The following KIRREL1 variants were observed in gnomAD, a reference collection of about 807,000 sequenced individuals.
KIRREL1 encodes kirre like nephrin family adhesion molecule 1, also known as kin of IRRE-like protein 1.
In KIRREL1, 25 loss-of-function variants were observed where a neutral mutation model predicts 83.3. The observed-to-expected ratio is 0.30, with a 90% CI of 0.22 to 0.42. KIRREL1 has a LOEUF of 0.42. Ranked by LOEUF, KIRREL1 falls within the 10% of genes least tolerant of loss-of-function variation. The probability of loss-of-function intolerance (pLI) is 1.00; values close to 1 mark genes in which losing one functional copy is unlikely to be tolerated. For missense variants in KIRREL1, 812 were observed against 1,032.3 expected, an observed-to-expected ratio of 0.79 and a Z score of 2.92; for synonymous variants, 388 against 410.4, an observed-to-expected ratio of 0.95 and a Z score of 0.66.
intron 1 of KIRREL1, among the ~76,000 whole-genome samples, chr1:158,034,166 A>G (rs949821674): frequency 1.3e-5 from 2 of 148,152 alleles, no homozygotes; most frequent in Non-Finnish European, 3.0e-5. Context: ...CCAGCTACTC[A>G]GGAGGCTGAG....
At chr1:158,057,086 C>T (rs1661085976) in intron 1 of KIRREL1, among the ~76,000 whole-genome samples, 1 of 152,158 alleles carries the variant, frequency 6.6e-6, no homozygotes, top group Non-Finnish European at 1.5e-5. Flanking sequence ...TGTTGTGTGC[C>T]AGGACCTGAG....
At chr1:158,077,953 T>A in intron 2 of KIRREL1, 38 bp from the exon 3 acceptor site, 1 of 1,610,178 alleles carries the variant, frequency 6.2e-7, no homozygotes, top group South Asian at 1.1e-5. Flanking sequence ...GATGTGTCCT[T>A]GTTTCAAGGT....
At position 158,007,844 on chromosome 1, in the gene KIRREL1, G is replaced by A. The variant is rs137925410; in HGVS notation, c.52+14116G>A. 4.6e-3 allele frequency among the ~76,000 whole-genome samples: 695 copies of A among 152,050 alleles called. 3 individuals carry two copies. The highest frequency in any genetic ancestry group is 0.015 in the African/African-American group (631 of 41,460). On this transcript the variant is annotated intron_variant, in intron 1 of 14. Coordinates refer to ENST00000359209, the MANE Select transcript of KIRREL1 (RefSeq NM_018240.7). The stretch of plus-strand genomic sequence containing the variant: ...CCTCGCTTCTCTCTGCCCCCGAGCC[G>A]GATGCTCCCCGCTCCTGCTGTCCTT...
At chr1:158,044,179 G>T (rs1660714067) in intron 1 of KIRREL1, among the ~76,000 whole-genome samples, 1 of 152,242 alleles carries the variant, frequency 6.6e-6, no homozygotes, top group African/African-American at 2.4e-5. Flanking sequence ...TGCAAGGCAT[G>T]GTGGGTGCCA....
At chr1:158,026,258 CA>C (rs1287367773) in intron 1 of KIRREL1, among the ~76,000 whole-genome samples, 1 of 152,178 alleles carries the variant, frequency 6.6e-6, no homozygotes, top group Non-Finnish European at 1.5e-5. Flanking sequence ...GAAAGCACAC[CA>C]GGGGTAGGTG....
chr1:158,022,829 G>A (rs965374672), intron 1 of KIRREL1, among the ~76,000 whole-genome samples: 2 of 152,178 alleles, frequency 1.3e-5, no homozygotes, highest in African/African-American at 4.8e-5. Flanking sequence ...TAAAGTGCCA[G>A]CGCCCTAGCC....
intron 1 of KIRREL1, among the ~76,000 whole-genome samples, chr1:158,004,834 C>G (rs1659471063): frequency 6.6e-6 from 1 of 152,180 alleles, no homozygotes; most frequent in Admixed American, 6.5e-5. Flanking sequence ...GTCCCAGCTA[C>G]TCTGGAGGCT....
At chr1:158,036,753 C>T (rs12025305) in intron 1 of KIRREL1, among the ~76,000 whole-genome samples, 133,759 of 152,176 alleles carry the variant, frequency 0.88, 59,166 homozygotes, top group Non-Finnish European at 0.93. Context: ...TACCTGAGGC[C>T]TCCTGATGCT....
intron 1 of KIRREL1, among the ~76,000 whole-genome samples, chr1:158,011,202 C>T (rs536144317): frequency 1.3e-5 from 2 of 152,224 alleles, no homozygotes; most frequent in Non-Finnish European, 2.9e-5. Context: ...CTTTTTATCT[C>T]ACTTTACACT....
At chr1:157,997,411 T>C (rs1659236619) in intron 1 of KIRREL1, among the ~76,000 whole-genome samples, 1 of 152,160 alleles carries the variant, frequency 6.6e-6, no homozygotes. Flanking sequence ...GAGACATAGA[T>C]AGACAGGCAG....
chr1:157,993,865 G>A (rs909120242), intron 1 of KIRREL1, 137 bp downstream of exon 1: 4 of 498,668 alleles, frequency 8.0e-6, no homozygotes, highest in Non-Finnish European at 1.4e-5. Context: ...GCGGGGGCTC[G>A]GTCCGGGCGC....
Position 158,096,923 on chromosome 1 carries a change from C to T in KIRREL1, c.*1803C>T, listed in dbSNP as rs1224716882. The T allele has an allele frequency of 2.2e-6, 1 of 456,768 alleles. No homozygotes were observed. Among genetic ancestry groups the T allele is most frequent in the Admixed American group, 2.3e-5 (1 of 42,590 alleles). The allele number at this position is 456,768 out of a possible 1,614,324, so 28.3% of individuals were successfully genotyped here. Reference sequence around the variant, plus strand: ...CATGTTCGCTTTAATGAGTTACATGCTTATCAGCCACAGGCCATTACCACC... The same window carrying T: ...CATGTTCGCTTTAATGAGTTACATGTTTATCAGCCACAGGCCATTACCACC... On this transcript the variant is annotated 3_prime_UTR_variant, in exon 15 of 15. Coordinates refer to ENST00000359209, the MANE Select transcript of KIRREL1 (RefSeq NM_018240.7).
intron 1 of KIRREL1, among the ~76,000 whole-genome samples, chr1:158,057,488 T>C (rs1661097526): frequency 6.6e-6 from 1 of 152,216 alleles, no homozygotes; most frequent in Non-Finnish European, 1.5e-5. Context: ...AATATTCCTC[T>C]CTATTCATGC....
intron 1 of KIRREL1, among the ~76,000 whole-genome samples, chr1:158,020,599 T>TAAAA: frequency 6.8e-4 from 1 of 1,466 alleles, no homozygotes; most frequent in African/African-American, 1.7e-3. Flanking sequence ...ATACAGTAAA[T>TAAAA]CAAAAAAAAA....
rs1011086201 is a variant in KIRREL1 at position 158,095,781 on chromosome 1, G to A, written c.*661G>A. On this transcript the variant is annotated 3_prime_UTR_variant, in exon 15 of 15. Coordinates refer to ENST00000359209, the MANE Select transcript of KIRREL1 (RefSeq NM_018240.7). ...ACAGCTGTCTGTCAGCATGCAGAGG[G>A]ATCCAGGAATCCCCCCGGCAGCACG... 4 of 152,344 alleles carry A rather than the reference G, an allele frequency of 2.6e-5. No homozygotes were observed. The highest frequency in any genetic ancestry group is 4.4e-5 in the Non-Finnish European group (3 of 68,144). 9.4% of individuals were successfully genotyped at this position (152,344 alleles called of 1,614,324 possible). A position where few individuals can be genotyped will look rare whatever the true frequency, so the allele number is the denominator to read the frequency against.
chr1:158,073,382 G>A (rs1661575124), intron 1 of KIRREL1, among the ~76,000 whole-genome samples: 1 of 152,160 alleles, frequency 6.6e-6, no homozygotes, highest in African/African-American at 2.4e-5. Flanking sequence ...CCCTCTAATT[G>A]TCTAACTGTT....
intron 1 of KIRREL1, among the ~76,000 whole-genome samples, chr1:158,064,169 CA>C (rs1661301022): frequency 6.6e-6 from 1 of 152,070 alleles, no homozygotes; most frequent in Non-Finnish European, 1.5e-5. Context: ...AGAAGTTTGC[CA>C]TCTATTCGTC....
chr1:158,078,959 C>G lies in KIRREL1; in HGVS notation c.352+819C>G, dbSNP rs569087288. Among the ~76,000 whole-genome samples the G allele has an allele frequency of 3.0e-4, 46 of 152,196 alleles. 1 individual carries two copies. In the South Asian group the frequency reaches 9.1e-3, roughly 30 times the overall value. On this transcript the variant is annotated intron_variant, in intron 3 of 14. Coordinates refer to ENST00000359209, the MANE Select transcript of KIRREL1 (RefSeq NM_018240.7). ...CCAGCTTCAGCACACCCCTTGCCCCCCCTCACCCACTCAGCCCCCAGCCTC... is the reference window on the plus strand; with the variant it reads ...CCAGCTTCAGCACACCCCTTGCCCCGCCTCACCCACTCAGCCCCCAGCCTC...
intron 4 of KIRREL1, among the ~76,000 whole-genome samples, chr1:158,084,842 T>C (rs1271981691): frequency 1.3e-5 from 2 of 152,252 alleles, no homozygotes; most frequent in Non-Finnish European, 2.9e-5. Flanking sequence ...ACCTACTGTG[T>C]GCCAGACACC....
Sources: allele counts gnomAD v4.1 joint callset (sites outside exome capture counted in the v4.1 genomes callset), GRCh38; gene constraint gnomAD v4.1.1; transcripts MANE v1.5; gene names NCBI Gene and HGNC (gene_info 2026-07-23, HGNC 2026-07-21).